The following COL5A2 variants were observed in gnomAD, a reference collection of about 807,000 sequenced individuals.
COL5A2 encodes the protein collagen alpha-2(V) chain.
A neutral mutation model predicts 208.2 loss-of-function variants in COL5A2; 23 were observed. The ratio of observed to expected loss-of-function variants is 0.11; its 90% CI spans 0.08 to 0.16. The LOEUF (loss-of-function observed/expected upper bound fraction) is 0.16, where lower values mean the gene tolerates loss of function less well. Ranked by LOEUF, COL5A2 falls within the 10% of genes least tolerant of loss-of-function variation. COL5A2 has a pLI of 1.00. For missense variants in COL5A2, 1,590 were observed against 1,956.4 expected, an observed-to-expected ratio of 0.81 and a Z score of 3.53; for synonymous variants, 625 against 628.5, an observed-to-expected ratio of 0.99 and a Z score of 0.08.
At chr2:189,345,594 G>C in the COL5A2 span, among the ~76,000 whole-genome samples, 1 of 152,126 alleles carries the variant, frequency 6.6e-6, no homozygotes, top group African/African-American at 2.4e-5. Flanking sequence ...GAAAAAAAGG[G>C]AGAATTTTCA....
At chr2:189,341,490 T>C in the COL5A2 span, among the ~76,000 whole-genome samples, 1 of 152,004 alleles carries the variant, frequency 6.6e-6, no homozygotes, top group African/African-American at 2.4e-5. Flanking sequence ...TAAAAGCAAA[T>C]ATCAGTTTTG....
rs766334102 is a variant in COL5A2, at chr2:189,057,022, C to A, written c.2342G>T (p.Gly781Val). 6.2e-7 allele frequency: 1 copy of A among 1,613,726 alleles called. No homozygotes were observed. The highest frequency in any genetic ancestry group is 1.1e-5 in the South Asian group (1 of 91,080). Residue 781 changes from glycine to valine, a missense_variant, in exon 35 of 54, where the codon GGC becomes GTC. By Grantham distance (109) the Gly-to-Val change is moderately radical. Coordinates refer to ENST00000374866, the MANE Select transcript of COL5A2 (RefSeq NM_000393.5). ...GCCTTCAGCACCTTTTTCTCCTATG[C>A]CACCCTGGGAAAACACACAAAATAC... ...GTPGPKGDRGGIGEKGAEGTA... is the reference protein window; with the variant it reads ...GTPGPKGDRGVIGEKGAEGTA...
At chr2:189,404,735 T>G in the COL5A2 span, among the ~76,000 whole-genome samples, 1 of 152,222 alleles carries the variant, frequency 6.6e-6, no homozygotes, top group Non-Finnish European at 1.5e-5. Context: ...GTTCTATCCC[T>G]ACTCGAGAAA....
chr2:189,088,871 A>G (rs1686722404), intron 7 of COL5A2, 99 bp from the exon 8 acceptor site: 1 of 943,786 alleles, frequency 1.1e-6, no homozygotes, highest in East Asian at 2.4e-5. Flanking sequence ...TTCTTATAGA[A>G]TGACTCTTCT....
the COL5A2 span, among the ~76,000 whole-genome samples, chr2:189,429,311 T>C: frequency 6.6e-6 from 1 of 152,200 alleles, no homozygotes; most frequent in South Asian, 2.1e-4. Flanking sequence ...ATCTAAATCC[T>C]TGTGGTCCTC....
chr2:189,280,768 C>T, the COL5A2 span, among the ~76,000 whole-genome samples: 8 of 152,040 alleles, frequency 5.3e-5, no homozygotes, highest in Non-Finnish European at 8.8e-5. Context: ...TTCTACACAT[C>T]TTAGGGATAA....
chr2:189,295,377 G>C, the COL5A2 span, among the ~76,000 whole-genome samples: 252 of 152,280 alleles, frequency 1.7e-3, 1 homozygote, highest in African/African-American at 5.6e-3. Flanking sequence ...GCCAAGGTTG[G>C]GGGGTGGATC....
chr2:189,186,169 T>A (rs72910360), intron 1 of COL5A2, among the ~76,000 whole-genome samples: 22,988 of 151,848 alleles, frequency 0.15, 2,059 homozygotes, highest in South Asian at 0.2. Flanking sequence ...TATTTTTTTT[T>A]AACATTTTTG....
chr2:189,433,118 G>C, the COL5A2 span, among the ~76,000 whole-genome samples: 2 of 152,284 alleles, frequency 1.3e-5, no homozygotes, highest in East Asian at 3.9e-4. Flanking sequence ...AAATAAAGAT[G>C]TTCTTTGAAA....
At chr2:189,045,089 TTTTTCAG>T (rs1685637029) in intron 47 of COL5A2, 83 bp downstream of exon 47, 2 of 830,704 alleles carry the variant, frequency 2.4e-6, no homozygotes, top group East Asian at 5.6e-5. Flanking sequence ...GAATTTCATA[TTTTTCAG>T]TTATGAATCT....
chr2:189,169,854 A>G lies in COL5A2; in HGVS notation c.97+9654T>C, dbSNP rs192213833. On this transcript the variant is annotated intron_variant, in intron 1 of 53. Coordinates refer to ENST00000374866, the MANE Select transcript of COL5A2 (RefSeq NM_000393.5). ...GCTTCCCGAGTAGCTGGGAGCTGGG[A>G]TTACAGGCATGTGCCACCATGCCCA... is the stretch of plus-strand genomic sequence containing the variant. Among the ~76,000 whole-genome samples the G allele has an allele frequency of 2.8e-3, 423 of 152,272 alleles. 1 individual carries two copies. The highest frequency in any genetic ancestry group is 8.9e-3 in the African/African-American group (371 of 41,546).
chr2:189,118,125 G>C (rs1218066211), intron 1 of COL5A2, among the ~76,000 whole-genome samples: 2 of 151,930 alleles, frequency 1.3e-5, no homozygotes, highest in African/African-American at 4.8e-5. Context: ...CTGATTTTTA[G>C]AGAAGCGCCA....
the COL5A2 span, among the ~76,000 whole-genome samples, chr2:189,393,847 T>C: frequency 6.6e-6 from 1 of 152,210 alleles, no homozygotes; most frequent in Non-Finnish European, 1.5e-5. Context: ...AACATAGTAA[T>C]GTCTGGCTTT....
At chr2:189,254,488 A>G in the COL5A2 span, among the ~76,000 whole-genome samples, 1 of 152,258 alleles carries the variant, frequency 6.6e-6, no homozygotes, top group Non-Finnish European at 1.5e-5. Context: ...GAGGGCAGCC[A>G]GCCAAACACA....
At chr2:189,246,920 T>G in the COL5A2 span, among the ~76,000 whole-genome samples, 1 of 152,164 alleles carries the variant, frequency 6.6e-6, no homozygotes, top group Admixed American at 6.5e-5. Flanking sequence ...GAGAAGACTG[T>G]GTAATAACCT....
the COL5A2 span, among the ~76,000 whole-genome samples, chr2:189,416,292 CAAAGACTTGG>C: frequency 6.6e-6 from 1 of 152,152 alleles, no homozygotes; most frequent in Non-Finnish European, 1.5e-5. Flanking sequence ...TTCACAATAG[CAAAGACTTGG>C]AACCAACCCA....
chr2:189,308,288 C>T, the COL5A2 span, among the ~76,000 whole-genome samples: 1 of 150,674 alleles, frequency 6.6e-6, no homozygotes, highest in African/African-American at 2.4e-5. Context: ...AGACATGCCT[C>T]ATTATACCCT....
the COL5A2 span, among the ~76,000 whole-genome samples, chr2:189,238,272 T>A: frequency 1.3e-5 from 2 of 152,016 alleles, no homozygotes; most frequent in East Asian, 3.9e-4. Context: ...TCCAAAGAGA[T>A]CCCACTGAGC....
intron 1 of COL5A2, among the ~76,000 whole-genome samples, chr2:189,208,099 C>A (rs1032398935): frequency 6.6e-6 from 1 of 152,292 alleles, no homozygotes; most frequent in East Asian, 1.9e-4. Context: ...ATCCTCTCAA[C>A]TCCCCTCTTA....
Sources: gnomAD v4.1 joint callset for allele counts (sites outside exome capture counted in the v4.1 genomes callset) on GRCh38, gnomAD v4.1.1 for gene constraint, MANE v1.5 for transcripts, NCBI Gene and HGNC (gene_info 2026-07-23, HGNC 2026-07-21) for gene names.